NHSL1: variants seen among roughly 807,000 people sequenced by gnomAD.
NHSL1 encodes NHS-like protein 1.
NHSL1 carries 48 observed loss-of-function variants against 95.0 expected under a neutral mutation model. The ratio of observed to expected loss-of-function variants is 0.51; its 90% CI spans 0.40 to 0.64. The LOEUF is 0.64. NHSL1 is among the 30% of genes least tolerant of loss of function. The pLI, the probability that NHSL1 is intolerant of heterozygous loss-of-function variation, is 0.00. For synonymous variants in NHSL1, 783 were observed against 833.9 expected (o/e 0.94, Z 1.05); for missense variants, 1,971 against 2,077.7 (o/e 0.95, Z 1.00).
chr6:138,431,750 C>T lies in NHSL1; in HGVS notation c.2595G>A (p.Val865=), dbSNP rs1198128029. The T allele has an allele frequency of 6.4e-7, 1 of 1,551,764 alleles. No homozygotes were observed. Among genetic ancestry groups the T allele is most frequent in the Non-Finnish European group, 8.7e-7 (1 of 1,146,992 alleles). ...GTGACACTGATTTTAAAAACACAGG[C>T]ACAGGGGTGAGTGCTGTGGGTGTAT... is the stretch of plus-strand genomic sequence containing the variant. ...QSNTPTALTP[V]PVFLKSVSPA... is the part of the protein sequence containing the mutation. Residue 865 remains valine, a synonymous_variant, in exon 6 of 8, where the codon GTG becomes GTA. Coordinates refer to ENST00000343505, the MANE Select transcript of NHSL1 (RefSeq NM_001144060.2). This position sits in a 1 kb window ranked among gnomAD's most constrained non-coding sequence, Gnocchi z 4.0.
At chr6:138,547,816 CG>C (rs1366595511), upstream of NHSL1, among the ~76,000 whole-genome samples, 3 of 152,230 alleles carry the variant, frequency 2.0e-5, no homozygotes, top group Non-Finnish European at 4.4e-5. Flanking sequence ...CATCTCACCA[CG>C]GGACTCTCTC....
chr6:138,682,836 T>C (rs1334728468), intron 1 of NHSL1, among the ~76,000 whole-genome samples: 1 of 152,074 alleles, frequency 6.6e-6, no homozygotes. Flanking sequence ...TTCACCAAGC[T>C]CCCAGTGACT....
chr6:138,672,607 T>G (rs954230018), intron 1 of NHSL1, among the ~76,000 whole-genome samples: 1 of 152,136 alleles, frequency 6.6e-6, no homozygotes, highest in African/African-American at 2.4e-5. Flanking sequence ...AGGAACATAA[T>G]AGCTAATTCA....
At chr6:138,669,856 C>A (rs1785341102) in intron 1 of NHSL1, among the ~76,000 whole-genome samples, 1 of 152,154 alleles carries the variant, frequency 6.6e-6, no homozygotes, top group South Asian at 2.1e-4. Flanking sequence ...TGCAGTGGCT[C>A]ACACCTGTAA....
upstream of NHSL1, among the ~76,000 whole-genome samples, chr6:138,573,161 C>T (rs1279218841): frequency 2.6e-5 from 4 of 152,182 alleles, no homozygotes; most frequent in South Asian, 8.3e-4. Context: ...GAGAGCTACG[C>T]TAGTGGCACT....
At chr6:138,458,695 A>G (rs1411557535) in intron 3 of NHSL1, among the ~76,000 whole-genome samples, 3 of 151,986 alleles carry the variant, frequency 2.0e-5, no homozygotes, top group South Asian at 2.1e-4. Flanking sequence ...GTGTGGTGGC[A>G]TGTGCCTGTA....
At chr6:138,604,637 A>AT (rs1784410724) in intron 1 of NHSL1, among the ~76,000 whole-genome samples, 1 of 151,968 alleles carries the variant, frequency 6.6e-6, no homozygotes, top group South Asian at 2.1e-4. Flanking sequence ...ATTTAAAATA[A>AT]TTTTTTTTGA....
intron 1 of NHSL1, among the ~76,000 whole-genome samples, chr6:138,538,924 C>T (rs1782470163): frequency 6.6e-6 from 1 of 152,198 alleles, no homozygotes; most frequent in African/African-American, 2.4e-5. Flanking sequence ...TGAGCACTCA[C>T]ATTTCTGTTA....
chr6:138,645,915 C>T (rs2114695185), intron 1 of NHSL1, among the ~76,000 whole-genome samples: 1 of 152,218 alleles, frequency 6.6e-6, no homozygotes, highest in Non-Finnish European at 1.5e-5. Flanking sequence ...AAAATAAGTG[C>T]TCAATGTATA....
intron 1 of NHSL1, among the ~76,000 whole-genome samples, chr6:138,649,925 C>T (rs916190548): frequency 2.0e-5 from 3 of 152,152 alleles, no homozygotes; most frequent in Non-Finnish European, 2.9e-5. Flanking sequence ...AGCCATTCTC[C>T]AGCCCTCTGC....
chr6:138,591,487 G>A (rs1057245865), intron 1 of NHSL1, among the ~76,000 whole-genome samples: 2 of 152,132 alleles, frequency 1.3e-5, no homozygotes, highest in African/African-American at 2.4e-5. Flanking sequence ...GTTGATCACA[G>A]CTCACTGCAG....
intron 1 of NHSL1, among the ~76,000 whole-genome samples, chr6:138,607,174 T>G (rs772144163): frequency 6.6e-6 from 1 of 152,226 alleles, no homozygotes; most frequent in Non-Finnish European, 1.5e-5. Flanking sequence ...TCTCTGGAAA[T>G]TAGCATCACG....
At chr6:138,506,439 T>C (rs79525219) in intron 1 of NHSL1, among the ~76,000 whole-genome samples, 1,532 of 152,294 alleles carry the variant, frequency 0.01, 19 homozygotes, top group Non-Finnish European at 0.012. Flanking sequence ...TCAATAAATG[T>C]GTAAATAAAA....
intron 1 of NHSL1, among the ~76,000 whole-genome samples, chr6:138,569,997 A>G (rs1443205414): frequency 6.6e-6 from 1 of 152,216 alleles, no homozygotes; most frequent in Non-Finnish European, 1.5e-5. Flanking sequence ...ATCGCTACGT[A>G]AGCAAGTCCT....
chr6:138,638,831 C>T (rs924965796), intron 1 of NHSL1, among the ~76,000 whole-genome samples: 4 of 152,126 alleles, frequency 2.6e-5, no homozygotes, highest in Admixed American at 6.5e-5. Flanking sequence ...ATACAGGAAA[C>T]TCGGCCAAGA....
chr6:138,536,304 G>A (rs943983815), intron 1 of NHSL1, among the ~76,000 whole-genome samples: 2 of 152,000 alleles, frequency 1.3e-5, no homozygotes, highest in African/African-American at 2.4e-5. Context: ...GTGTGTTATC[G>A]TAAGTCAAAT....
chr6:138,670,712 A>T (rs559270271), intron 1 of NHSL1, among the ~76,000 whole-genome samples: 1 of 152,000 alleles, frequency 6.6e-6, no homozygotes, highest in African/African-American at 2.4e-5. Flanking sequence ...CTCAGAGATA[A>T]GAAGAGACAG....
chr6:138,444,551 G>A (rs1256165229), intron 4 of NHSL1, among the ~76,000 whole-genome samples: 2 of 151,836 alleles, frequency 1.3e-5, no homozygotes, highest in Non-Finnish European at 2.9e-5. Flanking sequence ...ATGCATGGTG[G>A]GCTGCACTCT....
At chr6:138,450,883 C>T (rs1007229425) in intron 3 of NHSL1, among the ~76,000 whole-genome samples, 7 of 152,176 alleles carry the variant, frequency 4.6e-5, no homozygotes, top group African/African-American at 1.7e-4. Flanking sequence ...TCCCTCATTT[C>T]AGTGGCAGAA....
Sources: gnomAD v4.1 joint callset for allele counts (sites outside exome capture counted in the v4.1 genomes callset) on GRCh38, gnomAD v4.1.1 for gene constraint, Gnocchi (gnomAD v3.1) non-coding constraint, MANE v1.5 for transcripts, NCBI Gene and HGNC (gene_info 2026-07-23, HGNC 2026-07-21) for gene names.